The following LRP1B variants were observed in gnomAD, a reference collection of about 807,000 sequenced individuals.
LRP1B encodes LDL receptor related protein 1B, also known as low-density lipoprotein receptor-related protein 1B.
LRP1B carries 217 observed loss-of-function variants against 556.6 expected under a neutral mutation model. The observed-to-expected ratio is 0.39, with a 90% CI of 0.35 to 0.44. The LOEUF (loss-of-function observed/expected upper bound fraction) is 0.44. LRP1B is among the 20% of genes least tolerant of loss of function. The pLI is 1.00. For missense variants in LRP1B, 5,053 were observed against 5,620.8 expected (o/e 0.90, Z 3.23); for synonymous variants, 2,047 against 1,865.8 (o/e 1.10, Z -2.50).
chr2:141,851,892 G>C (rs754194871), intron 1 of LRP1B, among the ~76,000 whole-genome samples: 4 of 151,680 alleles, frequency 2.6e-5, no homozygotes, highest in Non-Finnish European at 5.9e-5. Context: ...GCTCTCAAGA[G>C]AGTGAGAATT....
intron 11 of LRP1B, among the ~76,000 whole-genome samples, chr2:141,037,874 G>A (rs894557710): frequency 3.3e-5 from 5 of 150,380 alleles, no homozygotes; most frequent in Non-Finnish European, 5.9e-5. Flanking sequence ...AGACACATGC[G>A]CACGTGCATG....
In LRP1B at chr2:140,605,225, C is replaced by T. The variant is rs544156549; in HGVS notation, c.6800-3586G>A. Among the ~76,000 whole-genome samples, 3 of 152,186 alleles carry T rather than the reference C, an allele frequency of 2.0e-5. No homozygotes were observed. The South Asian group carries it at 6.2e-4, about 32-fold the overall frequency. On this transcript the variant is annotated intron_variant, in intron 41 of 90. Transcript: ENST00000389484. The stretch of plus-strand genomic sequence containing the variant: ...AATTATATCACCAGTATAAAGCATC[C>T]AAATCTTGTTTGGAGGATCTGAGTT...
chr2:141,718,261 T>C (rs1329854481), intron 2 of LRP1B, among the ~76,000 whole-genome samples: 1 of 152,194 alleles, frequency 6.6e-6, no homozygotes, highest in Non-Finnish European at 1.5e-5. Flanking sequence ...CTCAGACTGA[T>C]TGGCATTTTT....
At chr2:140,251,324 A>G (rs2104906915) in intron 86 of LRP1B, among the ~76,000 whole-genome samples, 1 of 151,980 alleles carries the variant, frequency 6.6e-6, no homozygotes, top group African/African-American at 2.4e-5. Context: ...AGTAATTATT[A>G]CAAAGAGAAT....
At chr2:140,610,342 G>A (rs1207499560) in intron 41 of LRP1B, among the ~76,000 whole-genome samples, 1 of 152,126 alleles carries the variant, frequency 6.6e-6, no homozygotes, top group Admixed American at 6.5e-5. Context: ...ATGTATTTCT[G>A]AATCCATTGA....
chr2:141,702,241 G>T (rs1691966194), intron 2 of LRP1B, among the ~76,000 whole-genome samples: 1 of 151,840 alleles, frequency 6.6e-6, no homozygotes, highest in African/African-American at 2.4e-5. Flanking sequence ...CACAACAGAG[G>T]TTACCAACTA....
chr2:140,694,615 T>C (rs1020824912), intron 41 of LRP1B, among the ~76,000 whole-genome samples: 3 of 152,182 alleles, frequency 2.0e-5, no homozygotes, highest in Admixed American at 2.0e-4. Flanking sequence ...GTAAACTCTG[T>C]GTCATTATCA....
chr2:141,082,718 G>T (rs1404860115), intron 7 of LRP1B, among the ~76,000 whole-genome samples: 1 of 152,138 alleles, frequency 6.6e-6, no homozygotes, highest in Non-Finnish European at 1.5e-5. Context: ...GTATTACTGG[G>T]GTAGACAGGT....
At chr2:141,662,898 C>T (rs1431844252) in intron 2 of LRP1B, among the ~76,000 whole-genome samples, 1 of 152,068 alleles carries the variant, frequency 6.6e-6, no homozygotes, top group East Asian at 1.9e-4. Context: ...CCGCATGACA[C>T]TTACTCCAAA....
rs183879249 is a variant in LRP1B, at chr2:142,106,316, G to A, written c.82+24332C>T. On this transcript the variant is annotated intron_variant, in intron 1 of 90. Coordinates refer to ENST00000389484, the MANE Select transcript of LRP1B (RefSeq NM_018557.3). Reference sequence around the variant, plus strand: ...AGTGACTTTGATTATTACTATTGTGGAATAATTAAGTTTTAATTCTGTAAA... The same window carrying A: ...AGTGACTTTGATTATTACTATTGTGAAATAATTAAGTTTTAATTCTGTAAA... Among the ~76,000 whole-genome samples the A allele has an allele frequency of 9.9e-4, 150 of 152,222 alleles. No individual in the cohort carries two copies. In the Middle Eastern group the frequency reaches 0.01, roughly 10 times the overall value.
chr2:140,397,002 G>C (rs750787882), intron 66 of LRP1B, among the ~76,000 whole-genome samples: 1 of 152,086 alleles, frequency 6.6e-6, no homozygotes, highest in East Asian at 1.9e-4. Context: ...CTTGCTCAAG[G>C]TCACAGAGTA....
intron 62 of LRP1B, among the ~76,000 whole-genome samples, chr2:140,455,348 G>A (rs922487646): frequency 6.6e-6 from 1 of 152,152 alleles, no homozygotes; most frequent in African/African-American, 2.4e-5. Context: ...ACTTTTTAAT[G>A]TAAATTTCGG....
chr2:142,044,978 A>G (rs1457091444), intron 1 of LRP1B, among the ~76,000 whole-genome samples: 2 of 151,742 alleles, frequency 1.3e-5, no homozygotes, highest in Non-Finnish European at 2.9e-5. Flanking sequence ...CCATCTCTAT[A>G]TGCATTGTCA....
chr2:141,902,053 AAAAG>A (rs1322717909), intron 1 of LRP1B, among the ~76,000 whole-genome samples: 2 of 80,200 alleles, frequency 2.5e-5, no homozygotes, highest in African/African-American at 8.5e-5. Flanking sequence ...TAATCATGAA[AAAAG>A]AAATAACAAA....
chr2:141,916,541 CTTTTTT>C (rs58336400), intron 1 of LRP1B, among the ~76,000 whole-genome samples: 8 of 124,730 alleles, frequency 6.4e-5, no homozygotes, highest in Admixed American at 1.7e-4. Context: ...ATTTTTTGAA[CTTTTTT>C]TTTTTTTTTT....
intron 15 of LRP1B, among the ~76,000 whole-genome samples, chr2:140,998,860 C>A (rs1697329828): frequency 6.6e-6 from 1 of 152,068 alleles, no homozygotes; most frequent in Admixed American, 6.6e-5. Context: ...ATGGCTGCAA[C>A]TTTGTTTTGC....
At chr2:140,693,608 T>C (rs564305988) in intron 41 of LRP1B, among the ~76,000 whole-genome samples, 1 of 152,296 alleles carries the variant, frequency 6.6e-6, no homozygotes, top group East Asian at 1.9e-4. Flanking sequence ...TTTATGTCCT[T>C]CATAAACATT....
At chr2:141,845,359 T>C (rs1342837754) in intron 1 of LRP1B, among the ~76,000 whole-genome samples, 1 of 151,860 alleles carries the variant, frequency 6.6e-6, no homozygotes, top group African/African-American at 2.4e-5. Context: ...GAAGAATTCA[T>C]AGAAAAAAAA....
intron 1 of LRP1B, among the ~76,000 whole-genome samples, chr2:141,868,732 A>T (rs183761126): frequency 2.9e-4 from 44 of 152,232 alleles, no homozygotes; most frequent in Non-Finnish European, 2.9e-5. Context: ...CTTATTTCTT[A>T]AAGCTAATGG....
Sources: gnomAD v4.1 joint callset for allele counts (sites outside exome capture counted in the v4.1 genomes callset) on GRCh38, gnomAD v4.1.1 for gene constraint, MANE v1.5 for transcripts, NCBI Gene and HGNC (gene_info 2026-07-23, HGNC 2026-07-21) for gene names.